The following CCDC91 variants were observed in gnomAD, a reference collection of about 807,000 sequenced individuals.
The protein encoded by CCDC91 is coiled-coil domain-containing protein 91.
In CCDC91, 48 loss-of-function variants were observed where a neutral mutation model predicts 63.2. The ratio of observed to expected loss-of-function variants is 0.76; its 90% confidence interval spans 0.60 to 0.97. The LOEUF (loss-of-function observed/expected upper bound fraction) is 0.97, where lower values mean the gene tolerates loss of function less well. Ranked by LOEUF, CCDC91 falls within the 50% of genes least tolerant of loss-of-function variation. The probability of loss-of-function intolerance (pLI) is 0.00; values close to 1 mark genes in which losing one functional copy is unlikely to be tolerated. For missense variants in CCDC91, 500 were observed against 494.6 expected (o/e 1.01, Z -0.10); for synonymous variants, 167 against 165.8 (o/e 1.01, Z -0.06).
chr12:28,353,374 C>A (rs1211460154), intron 6 of CCDC91, among the ~76,000 whole-genome samples: 13 of 152,166 alleles, frequency 8.5e-5, no homozygotes, highest in Admixed American at 8.5e-4. Context: ...TTTTAATTTC[C>A]TCCAAAAACT....
chr12:28,264,166 G>C (rs1322299891), intron 3 of CCDC91, among the ~76,000 whole-genome samples: 2 of 151,690 alleles, frequency 1.3e-5, no homozygotes, highest in African/African-American at 4.8e-5. Context: ...TAACAATAGA[G>C]ACTAGACTAA....
chr12:28,307,013 C>G, intron 5 of CCDC91, 68 bp downstream of exon 5: 1 of 1,079,818 alleles, frequency 9.3e-7, no homozygotes. Context: ...ATCTCAAACT[C>G]TGATTAAAAA....
chr12:28,274,550 C>T (rs1226406761), intron 3 of CCDC91, among the ~76,000 whole-genome samples: 4 of 152,044 alleles, frequency 2.6e-5, no homozygotes, highest in African/African-American at 9.7e-5. Context: ...TTGAAGAGGT[C>T]CTTCACGTCC....
At chr12:28,477,206 A>T (rs1216665863) in intron 11 of CCDC91, among the ~76,000 whole-genome samples, 4 of 152,202 alleles carry the variant, frequency 2.6e-5, no homozygotes, top group Admixed American at 2.6e-4. Flanking sequence ...ATGAACATGG[A>T]TGCAAAAGTC....
intron 11 of CCDC91, among the ~76,000 whole-genome samples, chr12:28,474,033 A>G (rs370724793): frequency 6.6e-6 from 1 of 152,028 alleles, no homozygotes; most frequent in East Asian, 1.9e-4. Context: ...GAAGGATTTT[A>G]AATTTTGTAA....
At chr12:28,193,630 A>G (rs1410810968) in intron 1 of CCDC91, among the ~76,000 whole-genome samples, 4 of 151,878 alleles carry the variant, frequency 2.6e-5, no homozygotes, top group African/African-American at 9.7e-5. Flanking sequence ...GAAGGAAATT[A>G]CCAAACTGTT....
intron 6 of CCDC91, among the ~76,000 whole-genome samples, chr12:28,324,893 T>A (rs1332923724): frequency 6.6e-6 from 1 of 151,868 alleles, no homozygotes; most frequent in Non-Finnish European, 1.5e-5. Flanking sequence ...ATTGATATTC[T>A]CAGTATTTAG....
At chr12:28,360,910 T>A (rs1943837297) in intron 6 of CCDC91, among the ~76,000 whole-genome samples, 1 of 151,940 alleles carries the variant, frequency 6.6e-6, no homozygotes, top group South Asian at 2.1e-4. Context: ...ATGTGTTTGT[T>A]TTTTTTAGTT....
At chr12:28,327,348 T>C (rs73083965) in intron 6 of CCDC91, among the ~76,000 whole-genome samples, 1,935 of 152,214 alleles carry the variant, frequency 0.013, 12 homozygotes, top group Middle Eastern at 0.017. Context: ...GCTATGCATG[T>C]TCAACATGGT....
intron 1 of CCDC91, among the ~76,000 whole-genome samples, chr12:28,238,138 C>A (rs776874427): frequency 5.3e-5 from 8 of 152,030 alleles, no homozygotes; most frequent in Non-Finnish European, 1.0e-4. Context: ...GAAAGATATA[C>A]CACACAAACA....
chr12:28,201,398 G>A (rs78861940), intron 1 of CCDC91, among the ~76,000 whole-genome samples: 2 of 138,586 alleles, frequency 1.4e-5, no homozygotes. Flanking sequence ...CGGGGCAGCG[G>A]GGCAGAGGCT....
intron 1 of CCDC91, among the ~76,000 whole-genome samples, chr12:28,212,284 GC>G (rs1187626043): frequency 6.6e-6 from 1 of 152,192 alleles, no homozygotes; most frequent in African/African-American, 2.4e-5. Context: ...GAATTGGGTA[GC>G]CCCCAGAATC....
At chr12:28,516,246 G>A (rs551062149) in intron 12 of CCDC91, among the ~76,000 whole-genome samples, 1 of 152,008 alleles carries the variant, frequency 6.6e-6, no homozygotes, top group Non-Finnish European at 1.5e-5. Context: ...TTAGGATACT[G>A]TCTTGGTCTG....
intron 6 of CCDC91, among the ~76,000 whole-genome samples, chr12:28,313,125 A>G (rs1358898910): frequency 3.9e-5 from 6 of 152,032 alleles, no homozygotes; most frequent in Non-Finnish European, 8.8e-5. Flanking sequence ...GGTATCTAAC[A>G]TACAGGTCTT....
At chr12:28,462,836 G>A (rs765510628) in intron 11 of CCDC91, among the ~76,000 whole-genome samples, 28 of 151,994 alleles carry the variant, frequency 1.8e-4, no homozygotes, top group Non-Finnish European at 4.0e-4. Context: ...CATTTGAGGA[G>A]TACTAGATCT....
intron 11 of CCDC91, among the ~76,000 whole-genome samples, chr12:28,464,940 G>T (rs1950480302): frequency 6.6e-6 from 1 of 152,130 alleles, no homozygotes; most frequent in African/African-American, 2.4e-5. Context: ...GAACAGCCCT[G>T]GGCCAGAGGA....
rs7247205 is a variant in CCDC91 at position 28,201,110 on chromosome 12, C to T, written c.-15+10469C>T. On this transcript the variant is annotated intron_variant, in intron 1 of 12. Transcript: ENST00000536442. ...GGCGCCCCTCACCTCCCGGACGGGG[C>T]GGCTGGCCGGGCGGGGGGCTGACCC... is the stretch of plus-strand genomic sequence containing the variant. Among the ~76,000 whole-genome samples, 31 of 148,278 alleles carry T rather than the reference C, an allele frequency of 2.1e-4. No individual in the cohort carries two copies. The East Asian group carries it at 2.9e-3, about 14-fold the overall frequency.
intron 7 of CCDC91, among the ~76,000 whole-genome samples, chr12:28,373,195 G>A (rs750468479): frequency 1.3e-5 from 2 of 152,178 alleles, no homozygotes; most frequent in African/African-American, 2.4e-5. Flanking sequence ...CATATGAGAA[G>A]TAAGCTGTTA....
intron 6 of CCDC91, among the ~76,000 whole-genome samples, chr12:28,314,989 C>G (rs1939695274): frequency 6.6e-6 from 1 of 151,744 alleles, no homozygotes; most frequent in Non-Finnish European, 1.5e-5. Context: ...TTTGGAAGAC[C>G]TCTTTGTCAA....
Sources: gnomAD v4.1 joint callset for allele counts (sites outside exome capture counted in the v4.1 genomes callset) on GRCh38, gnomAD v4.1.1 for gene constraint, MANE v1.5 for transcripts, NCBI Gene and HGNC (gene_info 2026-07-23, HGNC 2026-07-21) for gene names.